Variants in THSD7A observed in about 807,000 individuals in gnomAD.
The protein encoded by THSD7A is thrombospondin type-1 domain-containing protein 7A.
THSD7A carries 96 observed loss-of-function variants against 231.3 expected under a neutral mutation model. The observed-to-expected ratio is 0.41, with a 90% confidence interval of 0.35 to 0.49. THSD7A has a LOEUF of 0.49. Ranked by LOEUF, THSD7A falls within the 20% of genes least tolerant of loss-of-function variation. The pLI is 0.05. For missense variants in THSD7A, 2,290 were observed against 2,070.2 expected (o/e 1.11, Z -2.06); for synonymous variants, 940 against 743.3 (o/e 1.26, Z -4.30).
At chr7:11,459,452 C>T (rs906443263) in intron 11 of THSD7A, among the ~76,000 whole-genome samples, 6 of 151,902 alleles carry the variant, frequency 3.9e-5, no homozygotes, top group Admixed American at 2.0e-4. Context: ...TGGAGGAGAA[C>T]GACTTTCAGT....
At chr7:11,465,007 G>A (rs1169823032) in intron 9 of THSD7A, among the ~76,000 whole-genome samples, 1 of 152,126 alleles carries the variant, frequency 6.6e-6, no homozygotes, top group Non-Finnish European at 1.5e-5. Flanking sequence ...TTAATAACTT[G>A]AGCTGGCAAA....
chr7:11,398,585 A>G (rs1044463635), intron 23 of THSD7A, among the ~76,000 whole-genome samples: 1 of 152,154 alleles, frequency 6.6e-6, no homozygotes, highest in African/African-American at 2.4e-5. Context: ...AGAAAAGAAT[A>G]TGTTCTTATA....
intron 1 of THSD7A, among the ~76,000 whole-genome samples, chr7:11,642,229 TG>T (rs796133939): frequency 5.9e-5 from 9 of 152,054 alleles, no homozygotes; most frequent in African/African-American, 1.7e-4. Context: ...TTACTAAGAG[TG>T]GGAGGTAGGG....
At chr7:11,680,460 A>AG (rs1357505984) in intron 1 of THSD7A, among the ~76,000 whole-genome samples, 1 of 152,176 alleles carries the variant, frequency 6.6e-6, no homozygotes, top group African/African-American at 2.4e-5. Context: ...CATCTGACAA[A>AG]GGGCTAATTT....
intron 24 of THSD7A, among the ~76,000 whole-genome samples, chr7:11,381,185 C>T (rs1178447167): frequency 6.6e-6 from 1 of 152,146 alleles, no homozygotes; most frequent in Admixed American, 6.6e-5. Context: ...ACTCTTCTCA[C>T]TCCATACCTC....
chr7:11,552,830 T>TTCC (rs979795353), intron 4 of THSD7A, among the ~76,000 whole-genome samples: 2 of 152,102 alleles, frequency 1.3e-5, no homozygotes, highest in Admixed American at 1.3e-4. Context: ...GCAGCCAGCC[T>TTCC]TCCCATAAGC....
rs1257964640 is a variant in THSD7A at position 11,590,681 on chromosome 7, TG to T, written c.1272-41del. ...CACCACCAGCAGCAACCATAATTAT[TG>T]AATGACGTGTTTCTCTACTCCTGTC... is the stretch of plus-strand genomic sequence containing the variant. On this transcript the variant is annotated intron_variant, in intron 3 of 27. Coordinates refer to ENST00000423059, the MANE Select transcript of THSD7A (RefSeq NM_015204.3). This position sits in a 1 kb window ranked among gnomAD's most constrained non-coding sequence, Gnocchi z 4.4. The T allele has an allele frequency of 6.4e-7, 1 of 1,553,892 alleles. No individual in the cohort carries two copies. Among genetic ancestry groups the T allele is most frequent in the Non-Finnish European group, 8.7e-7 (1 of 1,150,954 alleles).
At position 11,551,954 on chromosome 7, in the gene THSD7A, C is replaced by G. The variant is rs540488611; in HGVS notation, c.1454-8837G>C. Among the ~76,000 whole-genome samples the G allele has an allele frequency of 7.3e-4, 111 of 152,198 alleles. No homozygotes were observed. In the Middle Eastern group the frequency reaches 0.02, roughly 28 times the overall value. On this transcript the variant is annotated intron_variant, in intron 4 of 27. Coordinates refer to ENST00000423059, the MANE Select transcript of THSD7A (RefSeq NM_015204.3). Reference sequence around the variant, plus strand: ...ACATGGAATCAACCTAGATGCCCATCAACAGTGAACTGGATAAAGAAAATG... The same window carrying G: ...ACATGGAATCAACCTAGATGCCCATGAACAGTGAACTGGATAAAGAAAATG...
intron 1 of THSD7A, among the ~76,000 whole-genome samples, chr7:11,656,892 C>A (rs1424587338): frequency 1.3e-5 from 2 of 151,680 alleles, no homozygotes; most frequent in African/African-American, 4.8e-5. Flanking sequence ...AAAGGACAAA[C>A]ATTTGTTATT....
chr7:11,477,089 T>C lies in THSD7A; in HGVS notation c.2018-2521A>G, dbSNP rs541138119. On this transcript the variant is annotated intron_variant, in intron 7 of 27. Transcript: ENST00000423059. ...AATATAAACAGATAAGTTATGACCA[T>C]TGAATCCTCAGACTGCATTCAAGTT... 1.7e-4 allele frequency among the ~76,000 whole-genome samples: 26 copies of C among 152,302 alleles called. No homozygotes were observed. In the South Asian group the frequency reaches 3.9e-3, roughly 23 times the overall value.
rs75185722 is a variant in THSD7A, at chr7:11,640,178, T to C, written c.191-3217A>G. On this transcript the variant is annotated intron_variant, in intron 1 of 27. Coordinates refer to ENST00000423059, the MANE Select transcript of THSD7A (RefSeq NM_015204.3). The stretch of plus-strand genomic sequence containing the variant: ...TCTGTTTATCACATTAGACTGACTC[T>C]ATAGCCCCTTGAGGACAGGCCCTTG... 5.1e-3 allele frequency among the ~76,000 whole-genome samples: 770 copies of C among 152,352 alleles called. 8 individuals carry two copies. Among genetic ancestry groups the C allele is most frequent in the East Asian group, 0.034 (176 of 5,188 alleles).
chr7:11,524,758 C>T (rs10260419), intron 6 of THSD7A, among the ~76,000 whole-genome samples: 1 of 152,058 alleles, frequency 6.6e-6, no homozygotes, highest in Non-Finnish European at 1.5e-5. Flanking sequence ...TTCTGCCATT[C>T]TCTTCTCTGA....
At chr7:11,576,758 C>T (rs1470788380) in intron 4 of THSD7A, among the ~76,000 whole-genome samples, 3 of 152,152 alleles carry the variant, frequency 2.0e-5, no homozygotes, top group Non-Finnish European at 2.9e-5. Flanking sequence ...AACTTAATTG[C>T]GTTGGCTCCT....
chr7:11,405,049 G>A (rs1783536166), intron 22 of THSD7A, among the ~76,000 whole-genome samples: 1 of 151,834 alleles, frequency 6.6e-6, no homozygotes, highest in Non-Finnish European at 1.5e-5. Context: ...AGAGTCTAGG[G>A]GGCTTGTCCT....
chr7:11,814,066 T>C lies in THSD7A; in HGVS notation c.190+17691A>G, dbSNP rs1032011650. On this transcript the variant is annotated intron_variant, in intron 1 of 27. Transcript: ENST00000423059. The surrounding 1 kb of genome is among the most constrained non-coding windows in gnomAD (Gnocchi z 5.1). ...TCACAAAAGATCACGCAAGTTATGATGCCATTCATATGAAAGGTCCAGACT... is the reference window on the plus strand; with the variant it reads ...TCACAAAAGATCACGCAAGTTATGACGCCATTCATATGAAAGGTCCAGACT... 1.1e-4 allele frequency among the ~76,000 whole-genome samples: 17 copies of C among 152,326 alleles called. No individual in the cohort carries two copies. The highest frequency in any genetic ancestry group is 3.9e-4 in the Admixed American group (6 of 15,302).
chr7:11,622,332 C>A (rs940489947), intron 2 of THSD7A, among the ~76,000 whole-genome samples: 1 of 151,688 alleles, frequency 6.6e-6, no homozygotes. Context: ...TTATCTTTAC[C>A]ATCTAATTAT....
chr7:11,554,176 A>G (rs985443542), intron 4 of THSD7A, among the ~76,000 whole-genome samples: 7 of 152,014 alleles, frequency 4.6e-5, no homozygotes. Context: ...GAATCTCAGA[A>G]TATATCCTTA....
intron 6 of THSD7A, among the ~76,000 whole-genome samples, chr7:11,490,515 G>T (rs1229421101): frequency 6.6e-6 from 1 of 152,054 alleles, no homozygotes; most frequent in African/African-American, 2.4e-5. Flanking sequence ...CATGACTTCT[G>T]CTCCTGTTTA....
intron 13 of THSD7A, among the ~76,000 whole-genome samples, chr7:11,437,115 G>A (rs1301565741): frequency 2.0e-5 from 3 of 152,084 alleles, no homozygotes; most frequent in Non-Finnish European, 4.4e-5. Flanking sequence ...ATCTATTGGA[G>A]GCTATGTTTG....
Sources: gnomAD v4.1 joint callset for allele counts (sites outside exome capture counted in the v4.1 genomes callset) on GRCh38, gnomAD v4.1.1 for gene constraint, Gnocchi (gnomAD v3.1) non-coding constraint, MANE v1.5 for transcripts, NCBI Gene and HGNC (gene_info 2026-07-23, HGNC 2026-07-21) for gene names.